Variants in PPFIA2 observed in about 807,000 individuals in gnomAD.
The protein encoded by PPFIA2 is PPFI scaffold protein A2.
PPFIA2 carries 46 observed loss-of-function variants against 175.5 expected under a neutral mutation model. The ratio of observed to expected loss-of-function variants is 0.26; its 90% CI spans 0.21 to 0.34. PPFIA2 has a LOEUF of 0.34. Ranked by LOEUF, PPFIA2 falls within the 10% of genes least tolerant of loss-of-function variation. PPFIA2 has a pLI of 1.00. For missense variants in PPFIA2, 1,179 were observed against 1,506.1 expected, an observed-to-expected ratio of 0.78 and a Z score of 3.60; for synonymous variants, 568 against 511.4, an observed-to-expected ratio of 1.11 and a Z score of -1.49.
chr12:81,371,284 TAAAAATAAAAATTTAAATA>T (rs749157145), intron 11 of PPFIA2, among the ~76,000 whole-genome samples: 145,345 of 145,634 alleles, frequency 1, 72,528 homozygotes, highest in Middle Eastern at 1. Flanking sequence ...TATATTTTAT[TAAAAATAAAAATTTAAATA>T]ATATTATTTA....
At chr12:81,418,357 T>C (rs2045675880) in intron 7 of PPFIA2, among the ~76,000 whole-genome samples, 1 of 151,982 alleles carries the variant, frequency 6.6e-6, no homozygotes, top group Non-Finnish European at 1.5e-5. Context: ...TACTCAAAGC[T>C]ATCCACTTTC....
At chr12:81,482,718 C>G (rs2058381706) in intron 4 of PPFIA2, among the ~76,000 whole-genome samples, 1 of 152,060 alleles carries the variant, frequency 6.6e-6, no homozygotes, top group African/African-American at 2.4e-5. Context: ...AGGGGAACAT[C>G]ACACACTGGA....
At chr12:81,507,467 C>A (rs1439082832) in intron 4 of PPFIA2, among the ~76,000 whole-genome samples, 1 of 151,918 alleles carries the variant, frequency 6.6e-6, no homozygotes, top group Admixed American at 6.6e-5. Flanking sequence ...TTTATATGTA[C>A]CTCCTAAGTG....
At chr12:81,359,788 C>T (rs2061357219) in intron 15 of PPFIA2, among the ~76,000 whole-genome samples, 1 of 151,770 alleles carries the variant, frequency 6.6e-6, no homozygotes. Flanking sequence ...ATTTATTTCA[C>T]AGCTCCAGAT....
intron 3 of PPFIA2, among the ~76,000 whole-genome samples, chr12:81,700,644 C>G (rs930699379): frequency 2.6e-5 from 4 of 151,892 alleles, no homozygotes; most frequent in Non-Finnish European, 4.4e-5. Context: ...TGCACTATGT[C>G]TGAATTTATA....
chr12:81,422,357 G>C (rs887727537), intron 7 of PPFIA2, among the ~76,000 whole-genome samples: 3 of 151,938 alleles, frequency 2.0e-5, no homozygotes, highest in African/African-American at 7.3e-5. Flanking sequence ...AAGCAGCAAA[G>C]CATTCACCCT....
At chr12:81,277,935 T>C (rs1218279755) in intron 27 of PPFIA2, among the ~76,000 whole-genome samples, 1 of 152,118 alleles carries the variant, frequency 6.6e-6, no homozygotes, top group Non-Finnish European at 1.5e-5. Context: ...TCAGCAGATA[T>C]TGAAACTGAA....
intron 4 of PPFIA2, among the ~76,000 whole-genome samples, chr12:81,509,322 T>A (rs1187911209): frequency 6.6e-6 from 1 of 152,178 alleles, no homozygotes; most frequent in Non-Finnish European, 1.5e-5. Context: ...ATTTTAGCCA[T>A]CATCTTGATG....
chr12:81,475,239 G>A (rs2057327406), intron 4 of PPFIA2, among the ~76,000 whole-genome samples: 1 of 152,120 alleles, frequency 6.6e-6, no homozygotes, highest in Non-Finnish European at 1.5e-5. Context: ...CTGAAATAGA[G>A]ACTGTGTATT....
chr12:81,702,396 G>A (rs551047869), intron 3 of PPFIA2, among the ~76,000 whole-genome samples: 1 of 151,922 alleles, frequency 6.6e-6, no homozygotes, highest in South Asian at 2.1e-4. Context: ...TACCCACTTC[G>A]CTCTGACCTA....
chr12:81,437,072 G>A (rs375977839), intron 7 of PPFIA2, among the ~76,000 whole-genome samples: 4 of 152,122 alleles, frequency 2.6e-5, no homozygotes, highest in African/African-American at 4.8e-5. Context: ...TCAATCAAAT[G>A]TACCACACTG....
At chr12:81,657,426 C>G (rs1213836807) in intron 4 of PPFIA2, among the ~76,000 whole-genome samples, 1 of 152,152 alleles carries the variant, frequency 6.6e-6, no homozygotes, top group Non-Finnish European at 1.5e-5. Context: ...GACCTGTACA[C>G]GTCCTGTTGC....
At chr12:81,297,749 T>C (rs1195516708) in intron 23 of PPFIA2, among the ~76,000 whole-genome samples, 1 of 152,246 alleles carries the variant, frequency 6.6e-6, no homozygotes, top group African/African-American at 2.4e-5. Flanking sequence ...GTTACCAATG[T>C]CATCCATAAT....
chr12:81,610,056 T>C (rs1020790511), intron 4 of PPFIA2, among the ~76,000 whole-genome samples: 1 of 152,180 alleles, frequency 6.6e-6, no homozygotes, highest in Non-Finnish European at 1.5e-5. Context: ...GGATTTAAAA[T>C]TCTTGGTTGA....
intron 4 of PPFIA2, among the ~76,000 whole-genome samples, chr12:81,559,614 G>T (rs565950142): frequency 1.3e-5 from 2 of 152,150 alleles, no homozygotes; most frequent in Non-Finnish European, 1.5e-5. Flanking sequence ...TAGAAACTCC[G>T]TTATAAACTT....
At chr12:81,444,055 C>T (rs1013417142) in intron 6 of PPFIA2, among the ~76,000 whole-genome samples, 1 of 151,124 alleles carries the variant, frequency 6.6e-6, no homozygotes, top group Admixed American at 6.6e-5. Context: ...GGGGTTTCAC[C>T]GTGTTAGCCA....
In PPFIA2 at chr12:81,341,182, T is replaced by C. The variant is rs1385388531; in HGVS notation, c.2289A>G (p.Arg763=). Residue 763 remains arginine (R), a synonymous_variant, in exon 20 of 33, where the codon CGA becomes CGG. Coordinates refer to ENST00000549396, the MANE Select transcript of PPFIA2 (RefSeq NM_003625.5). ...RKIAVVEEDG[R]EDKATIKCET... Reference sequence around the variant, plus strand: ...CACATTTAATTGTTGCTTTGTCCTCTCGACCATCTTCTTCCACAACTGCAA... The same window carrying C: ...CACATTTAATTGTTGCTTTGTCCTCCCGACCATCTTCTTCCACAACTGCAA... 1.2e-6 allele frequency: 2 copies of C among 1,612,064 alleles called. No homozygotes were observed. The highest frequency in any genetic ancestry group is 1.3e-5 in the African/African-American group (1 of 74,944).
chr12:81,318,309 G>A (rs2052873043), intron 22 of PPFIA2, among the ~76,000 whole-genome samples: 1 of 151,542 alleles, frequency 6.6e-6, no homozygotes, highest in African/African-American at 2.4e-5. Context: ...TAAATGCATC[G>A]AATTTTGACC....
intron 4 of PPFIA2, among the ~76,000 whole-genome samples, chr12:81,558,357 G>C (rs1174513220): frequency 1.3e-5 from 2 of 152,144 alleles, no homozygotes; most frequent in African/African-American, 4.8e-5. Context: ...TTGATCAGTA[G>C]TTACTGTGAT....
Sources: allele counts gnomAD v4.1 joint callset (sites outside exome capture counted in the v4.1 genomes callset), GRCh38; gene constraint gnomAD v4.1.1; transcripts MANE v1.5; gene names NCBI Gene and HGNC (gene_info 2026-07-23, HGNC 2026-07-21).